AGO4: variants seen among roughly 807,000 people sequenced by gnomAD.
AGO4 encodes the protein protein argonaute-4.
A neutral mutation model predicts 104.7 loss-of-function variants in AGO4; 33 were observed. The ratio of observed to expected loss-of-function variants is 0.32; its 90% CI spans 0.24 to 0.42. The LOEUF (loss-of-function observed/expected upper bound fraction) is 0.42, where lower values mean the gene tolerates loss of function less well. AGO4 is among the 10% of genes least tolerant of loss of function. The probability of loss-of-function intolerance (pLI) is 1.00; values close to 1 mark genes in which losing one functional copy is unlikely to be tolerated. For synonymous variants in AGO4, 331 were observed against 364.7 expected (o/e 0.91, Z 1.05); for missense variants, 711 against 1,083.4 (o/e 0.66, Z 4.83).
intron 15 of AGO4, among the ~76,000 whole-genome samples, chr1:35,847,237 C>CTT (rs1276730669): frequency 3.5e-5 from 5 of 141,672 alleles, no homozygotes; most frequent in Admixed American, 1.4e-4. Context: ...TGTTTTTGGT[C>CTT]TTTTTTTTTT....
intron 1 of AGO4, among the ~76,000 whole-genome samples, chr1:35,813,672 C>T (rs1435549659): frequency 6.6e-6 from 1 of 151,350 alleles, no homozygotes; most frequent in East Asian, 1.9e-4. Context: ...TCAGTTGAGT[C>T]CAGGAGGTCG....
chr1:35,807,816 C>T (rs1217026603), upstream of AGO4, among the ~76,000 whole-genome samples: 1 of 152,174 alleles, frequency 6.6e-6, no homozygotes, highest in Non-Finnish European at 1.5e-5. Context: ...GTACACTTTC[C>T]ACTCACAGAA....
chr1:35,830,494 A>G (rs1245036596), intron 7 of AGO4, among the ~76,000 whole-genome samples: 1 of 152,182 alleles, frequency 6.6e-6, no homozygotes, highest in Admixed American at 6.6e-5. Flanking sequence ...CCTGACCTCA[A>G]GTGAGTCTAT....
At chr1:35,843,499 G>A (rs1176823435) in intron 15 of AGO4, among the ~76,000 whole-genome samples, 1 of 152,096 alleles carries the variant, frequency 6.6e-6, no homozygotes, top group Non-Finnish European at 1.5e-5. Context: ...TTAAATTGCT[G>A]AAACCATGAG....
intron 17 of AGO4, among the ~76,000 whole-genome samples, chr1:35,853,116 T>G (rs1404264780): frequency 6.6e-6 from 1 of 151,810 alleles, no homozygotes; most frequent in African/African-American, 2.4e-5. Flanking sequence ...CCGGGTGTGG[T>G]GGCGGGCGCC....
rs777745415 is a variant in AGO4 at position 35,816,948 on chromosome 1, G to T, written c.86G>T (p.Arg29Leu). The T allele has an allele frequency of 1.9e-6, 3 of 1,613,906 alleles. No individual in the cohort carries two copies. In the East Asian group the frequency reaches 6.7e-5, roughly 36 times the overall value. Residue 29 changes from arginine (R) to leucine (L), a missense_variant, in exon 2 of 18, where the codon CGA becomes CTA. By Grantham distance (102) the Arg-to-Leu change is moderately radical. Transcript: ENST00000373210. ...CTTGGAACTGTTGGAAAACCAATTC[G>T]ACTGTTAGCCAATCATTTTCAGGTT... ...PGLGTVGKPI[R>L]LLANHFQVQI...
At chr1:35,852,666 C>A (rs1644729986) in intron 17 of AGO4, among the ~76,000 whole-genome samples, 1 of 152,166 alleles carries the variant, frequency 6.6e-6, no homozygotes, top group Non-Finnish European at 1.5e-5. Context: ...TTGCTGCTTT[C>A]TTGGAGTTTA....
In AGO4 at chr1:35,812,220, T is replaced by A. The variant is rs964777416; in HGVS notation, c.19+3785T>A. On this transcript the variant is annotated intron_variant, in intron 1 of 17. Coordinates refer to ENST00000373210, the MANE Select transcript of AGO4 (RefSeq NM_017629.4). ...AAAAAAAGAAAAAAGAAAAAAAAAATTAACTTCCAGAATGAAAAAAGTTAT... is the reference window on the plus strand; with the variant it reads ...AAAAAAAGAAAAAAGAAAAAAAAAAATAACTTCCAGAATGAAAAAAGTTAT... 7.2e-5 allele frequency among the ~76,000 whole-genome samples: 11 copies of A among 151,748 alleles called. No homozygotes were observed. In the East Asian group the frequency reaches 1.7e-3, roughly 24 times the overall value.
rs1320743702 is a variant in AGO4, at chr1:35,826,975, G to A, written c.848+140G>A. The A allele has an allele frequency of 7.4e-6, 6 of 810,036 alleles. No individual in the cohort carries two copies. In the African/African-American group the frequency reaches 1.0e-4, roughly 14 times the overall value. The allele number at this position is 810,036 out of a possible 1,614,324, so 50.2% of individuals were successfully genotyped here. ...CCAGCACTTTGAGAGGCCGAGGTAG[G>A]TGGATCATGAGGTCAGGAGTTCAAG... On this transcript the variant is annotated intron_variant, in intron 7 of 17. Transcript: ENST00000373210.
In AGO4 at chr1:35,845,426, C is replaced by T. The variant is rs186596506; in HGVS notation, c.2175+3676C>T. 1.6e-3 allele frequency among the ~76,000 whole-genome samples: 240 copies of T among 151,942 alleles called. 2 individuals are homozygous for T. Among genetic ancestry groups the T allele is most frequent in the African/African-American group, 5.2e-3 (216 of 41,460 alleles). ...TTCACTATGTTGGCCAGACTGGTCT[C>T]GAACTCCTGACCTCAAGTGATTCAC... On this transcript the variant is annotated intron_variant, in intron 15 of 17. Transcript: ENST00000373210.
intron 1 of AGO4, among the ~76,000 whole-genome samples, chr1:35,813,620 TG>T (rs1244243970): frequency 1.3e-5 from 2 of 150,738 alleles, no homozygotes; most frequent in East Asian, 3.9e-4. Context: ...AAAAATTAGC[TG>T]GGGTGGTATC....
Position 35,832,223 on chromosome 1 carries a change from AC to A in AGO4, c.1245+40del, listed in dbSNP as rs146144465. The A allele has an allele frequency of 1.2e-3, 1,870 of 1,604,662 alleles. 14 individuals are homozygous for A. The African/African-American group carries it at 0.023, about 20-fold the overall frequency. ...TTTTATTCAGCAAGCTTCTTCCACA[AC>A]CAGTCAAAAAGAGAATAATCCAGGG... On this transcript the variant is annotated intron_variant, in intron 10 of 17. Transcript: ENST00000373210.
At position 35,834,173 on chromosome 1, in the gene AGO4, T is replaced by C. The variant is rs1459259823; in HGVS notation, c.1563T>C (p.Tyr521=). ...TCCTGCCTGGAAAGACACCAGTATATGGTATGGACCCTTTTAATGCTGAAT... is the reference window on the plus strand; with the variant it reads ...TCCTGCCTGGAAAGACACCAGTATACGGTATGGACCCTTTTAATGCTGAAT... The part of the protein sequence containing the change: ...VVILPGKTPV[Y]AEVKRVGDTL... Residue 521 remains tyrosine, a splice_region_variant and synonymous_variant, in exon 12 of 18, where the codon TAT becomes TAC. Coordinates refer to ENST00000373210, the MANE Select transcript of AGO4 (RefSeq NM_017629.4). 2 of 1,589,672 alleles carry C rather than the reference T, an allele frequency of 1.3e-6. No homozygotes were observed. Among genetic ancestry groups the C allele is most frequent in the Non-Finnish European group, 1.7e-6 (2 of 1,169,884 alleles).
At chr1:35,827,072 G>C (rs1279336758) in intron 7 of AGO4, among the ~76,000 whole-genome samples, 1 of 151,672 alleles carries the variant, frequency 6.6e-6, no homozygotes, top group African/African-American at 2.4e-5. Context: ...CGTGGTGGCG[G>C]GTACCTGTAA....
intron 17 of AGO4, among the ~76,000 whole-genome samples, chr1:35,853,248 C>CAAA (rs767922952): frequency 1.5e-4 from 10 of 64,870 alleles, no homozygotes; most frequent in Admixed American, 1.7e-4. Context: ...GACTCTGTCT[C>CAAA]AAAAAAAAAA....
At chr1:35,837,062 T>A (rs915808107) in intron 13 of AGO4, among the ~76,000 whole-genome samples, 1 of 152,108 alleles carries the variant, frequency 6.6e-6, no homozygotes, top group African/African-American at 2.4e-5. Context: ...TCATTAGCCA[T>A]TTGGACATCT....
intron 17 of AGO4, 68 bp from the exon 18 acceptor site, chr1:35,853,429 T>G: frequency 7.0e-7 from 1 of 1,432,800 alleles, no homozygotes; most frequent in Non-Finnish European, 9.6e-7. Flanking sequence ...TGTTTTTTTG[T>G]TGTTGTTGTT....
chr1:35,831,591 T>G lies in AGO4; in HGVS notation c.996+17T>G. 1 of 1,607,390 alleles carries G rather than the reference T, an allele frequency of 6.2e-7. No individual in the cohort carries two copies. ...CCACTCGAGGTAAGTTAAATTTTCTTTTGCCAATTTGCTGATCTCTTGAAT... is the reference window on the plus strand; with the variant it reads ...CCACTCGAGGTAAGTTAAATTTTCTGTTGCCAATTTGCTGATCTCTTGAAT... On this transcript the variant is annotated intron_variant, in intron 8 of 17. Transcript: ENST00000373210.
At chr1:35,818,701 G>GGAAA (rs1417746377) in intron 2 of AGO4, among the ~76,000 whole-genome samples, 2 of 150,774 alleles carry the variant, frequency 1.3e-5, no homozygotes, top group Admixed American at 6.7e-5. Context: ...AAGGAAGGAA[G>GGAAA]GAAAGAAACA....
Sources: allele counts gnomAD v4.1 joint callset (sites outside exome capture counted in the v4.1 genomes callset), GRCh38; gene constraint gnomAD v4.1.1; transcripts MANE v1.5; gene names NCBI Gene and HGNC (gene_info 2026-07-23, HGNC 2026-07-21).